The following CKAP5 variants were observed in gnomAD, a reference collection of about 807,000 sequenced individuals.
CKAP5 encodes cytoskeleton-associated protein 5.
Under a neutral mutation model 232.8 loss-of-function variants are expected in CKAP5, and 27 were observed. The observed-to-expected ratio is 0.12, with a 90% CI of 0.09 to 0.16. The LOEUF is 0.16. Among genes scored for constraint, CKAP5 ranks in the 10% least tolerant of loss-of-function variants. CKAP5 has a pLI of 1.00. For missense variants in CKAP5, 1,838 were observed against 2,424.7 expected (o/e 0.76, Z 5.08); for synonymous variants, 785 against 841.1 (o/e 0.93, Z 1.16).
chr11:46,838,530 T>A (rs1939968110), intron 1 of CKAP5, among the ~76,000 whole-genome samples: 1 of 148,566 alleles, frequency 6.7e-6, no homozygotes, highest in African/African-American at 2.5e-5. Flanking sequence ...CCTAGCACTT[T>A]AGCACTTTGG....
chr11:46,797,925 A>G lies in CKAP5; in HGVS notation c.1218T>C (p.Asp406=), dbSNP rs979160769. ...GCTGCTTGATGGTTGGATTTTTATT[A>G]TCCATTACTGCTAAAACATCCTCAC... ...NISEDVLAVM[D]NKNPTIKQQT... The change falls in exon 11 of 44, where the codon GAT becomes GAC. Residue 406 remains aspartate (D), a synonymous_variant. Coordinates refer to ENST00000529230, the MANE Select transcript of CKAP5 (RefSeq NM_001008938.4). The G allele has an allele frequency of 6.2e-6, 10 of 1,614,064 alleles. No homozygotes were observed. Among genetic ancestry groups the G allele is most frequent in the Non-Finnish European group, 7.6e-6 (9 of 1,179,986 alleles).
chr11:46,808,902 G>A (rs1036714444), intron 7 of CKAP5, among the ~76,000 whole-genome samples: 3 of 152,292 alleles, frequency 2.0e-5, no homozygotes, highest in Admixed American at 2.0e-4. Context: ...TTCTCAACTG[G>A]GGATGATTTT....
At chr11:46,747,092 G>A (rs1245397608) in intron 42 of CKAP5, among the ~76,000 whole-genome samples, 3 of 151,694 alleles carry the variant, frequency 2.0e-5, no homozygotes, top group South Asian at 2.1e-4. Context: ...AGCCGAGATC[G>A]TCACTGCATT....
In CKAP5 at chr11:46,747,705, T is replaced by C. The variant is rs144496053; in HGVS notation, c.5704+2569A>G. 2.6e-5 allele frequency among the ~76,000 whole-genome samples: 4 copies of C among 151,790 alleles called. No homozygotes were observed. The East Asian group carries it at 7.8e-4, about 29-fold the overall frequency. On this transcript the variant is annotated intron_variant, in intron 42 of 43. Coordinates refer to ENST00000529230, the MANE Select transcript of CKAP5 (RefSeq NM_001008938.4). ...AAAGCCATCTAAGGAAGAGCATTTATGTGTAAGAAATAGCCAGTGCAAAGG... is the reference window on the plus strand; with the variant it reads ...AAAGCCATCTAAGGAAGAGCATTTACGTGTAAGAAATAGCCAGTGCAAAGG...
At chr11:46,797,403 AC>A (rs1408898060) in intron 11 of CKAP5, among the ~76,000 whole-genome samples, 1 of 151,894 alleles carries the variant, frequency 6.6e-6, no homozygotes, top group Non-Finnish European at 1.5e-5. Flanking sequence ...AAAAAAAAAA[AC>A]AAAAATTTTT....
intron 1 of CKAP5, among the ~76,000 whole-genome samples, chr11:46,834,152 C>G (rs1445176728): frequency 1.3e-5 from 2 of 152,088 alleles, no homozygotes; most frequent in Non-Finnish European, 2.9e-5. Flanking sequence ...TAAGCATCAT[C>G]CCAGTGTCAT....
intron 1 of CKAP5, among the ~76,000 whole-genome samples, chr11:46,844,636 T>TA (rs1244985270): frequency 1.3e-5 from 2 of 152,194 alleles, no homozygotes; most frequent in African/African-American, 4.8e-5. Context: ...AACAGCCTTT[T>TA]AAAAAATTTT....
chr11:46,820,384 A>G (rs180915408), intron 2 of CKAP5, among the ~76,000 whole-genome samples: 160 of 152,210 alleles, frequency 1.1e-3, no homozygotes, highest in African/African-American at 3.8e-3. Flanking sequence ...CCAAATTTCT[A>G]CTCTACATAG....
intron 24 of CKAP5, among the ~76,000 whole-genome samples, chr11:46,773,323 C>G (rs1215255477): frequency 6.6e-6 from 1 of 151,260 alleles, no homozygotes; most frequent in Non-Finnish European, 1.5e-5. Context: ...GATCTTGGCT[C>G]ACTGCAACCT....
chr11:46,846,048 G>A (rs1940182592), intron 1 of CKAP5, among the ~76,000 whole-genome samples, 172 bp downstream of exon 1: 1 of 151,684 alleles, frequency 6.6e-6, no homozygotes, highest in Admixed American at 6.6e-5. Flanking sequence ...CCTGCCCGCC[G>A]CAGGTCCCCC....
At position 46,808,243 on chromosome 11, in the gene CKAP5, T is replaced by A. The variant is rs565215215; in HGVS notation, c.865-99A>T. 303 of 825,742 alleles carry A rather than the reference T, an allele frequency of 3.7e-4. 1 individual carries two copies. Among genetic ancestry groups the A allele is most frequent in the African/African-American group, 1.8e-3 (104 of 57,804 alleles). 51.2% of individuals were successfully genotyped at this position (825,742 alleles called of 1,614,324 possible). ...CTAATTCAAAGATACATAATTTTTT[T>A]AAAAAATTATAAAACTGGCCGGGCG... On this transcript the variant is annotated intron_variant, in intron 7 of 43. Coordinates refer to ENST00000529230, the MANE Select transcript of CKAP5 (RefSeq NM_001008938.4).
intron 24 of CKAP5, among the ~76,000 whole-genome samples, chr11:46,774,960 T>G (rs1158981069): frequency 6.6e-6 from 1 of 151,956 alleles, no homozygotes; most frequent in Non-Finnish European, 1.5e-5. Flanking sequence ...CCAAAAGCAA[T>G]CACAACAAAA....
chr11:46,757,936 GGAGTA>G, intron 35 of CKAP5, among the ~76,000 whole-genome samples: 1 of 146,622 alleles, frequency 6.8e-6, no homozygotes, highest in Admixed American at 7.0e-5. Context: ...CACCCAGGCT[GGAGTA>G]TAGTGGTGCA....
intron 35 of CKAP5, among the ~76,000 whole-genome samples, chr11:46,756,206 T>A (rs2065109782): frequency 6.6e-6 from 1 of 152,234 alleles, no homozygotes; most frequent in African/African-American, 2.4e-5. Context: ...AAAGAAACCC[T>A]GAAACCATGA....
intron 20 of CKAP5, among the ~76,000 whole-genome samples, chr11:46,779,411 G>A (rs2065319572): frequency 1.3e-5 from 2 of 152,140 alleles, no homozygotes; most frequent in Admixed American, 1.3e-4. Flanking sequence ...GGGATTACAG[G>A]CGTGAGCCAC....
chr11:46,744,702 C>A, intron 42 of CKAP5, 125 bp from the exon 43 acceptor site: 6 of 855,320 alleles, frequency 7.0e-6, no homozygotes, highest in Non-Finnish European at 1.1e-5. Context: ...ACAAATTCCA[C>A]AAGAATCTAC....
chr11:46,747,566 C>G (rs2065031367), intron 42 of CKAP5, among the ~76,000 whole-genome samples: 1 of 148,444 alleles, frequency 6.7e-6, no homozygotes. Context: ...CGTGCCATAG[C>G]ACTCCAGCCT....
At chr11:46,828,731 GA>G (rs1181825783) in intron 1 of CKAP5, among the ~76,000 whole-genome samples, 13 of 151,910 alleles carry the variant, frequency 8.6e-5, no homozygotes, top group Non-Finnish European at 1.6e-4. Flanking sequence ...AAAAATTAGA[GA>G]AAAAAATCTA....
intron 4 of CKAP5, among the ~76,000 whole-genome samples, chr11:46,812,969 T>C (rs1483467734): frequency 1.3e-5 from 2 of 151,982 alleles, no homozygotes; most frequent in Non-Finnish European, 2.9e-5. Context: ...ATTATTATTT[T>C]TGAGATAGTG....
Sources: gnomAD v4.1 joint callset for allele counts (sites outside exome capture counted in the v4.1 genomes callset) on GRCh38, gnomAD v4.1.1 for gene constraint, MANE v1.5 for transcripts, NCBI Gene and HGNC (gene_info 2026-07-23, HGNC 2026-07-21) for gene names.